The following ZNF804A variants were observed in gnomAD, a reference collection of about 807,000 sequenced individuals.
ZNF804A encodes the protein zinc finger protein 804A.
Under a neutral mutation model 16.5 loss-of-function variants are expected in ZNF804A, and 2 were observed. The observed-to-expected ratio is 0.12, with a 90% CI of 0.05 to 0.38. The LOEUF (loss-of-function observed/expected upper bound fraction) is 0.38. Ranked by LOEUF, ZNF804A falls within the 10% of genes least tolerant of loss-of-function variation. The pLI is 0.99. For synonymous variants in ZNF804A, 534 were observed against 489.6 expected (o/e 1.09, Z -1.20); for missense variants, 1,473 against 1,390.7 (o/e 1.06, Z -0.94).
intron 1 of ZNF804A, among the ~76,000 whole-genome samples, chr2:184,838,628 T>C (rs983730054): frequency 6.6e-6 from 1 of 151,222 alleles, no homozygotes; most frequent in African/African-American, 2.5e-5. Flanking sequence ...ATCTGTACCA[T>C]TTTAATATTT....
At chr2:184,858,040 T>C (rs1695730788) in intron 1 of ZNF804A, among the ~76,000 whole-genome samples, 2 of 152,140 alleles carry the variant, frequency 1.3e-5, no homozygotes, top group Admixed American at 6.6e-5. Flanking sequence ...TTCTTTCTTC[T>C]ACTCTCGATG....
chr2:184,840,936 C>A (rs1310486353), intron 1 of ZNF804A, among the ~76,000 whole-genome samples: 1 of 152,088 alleles, frequency 6.6e-6, no homozygotes, highest in Non-Finnish European at 1.5e-5. Flanking sequence ...TTGAATTTTA[C>A]TTAACATTAG....
intron 2 of ZNF804A, among the ~76,000 whole-genome samples, chr2:184,904,905 A>C (rs1685246944): frequency 6.6e-6 from 1 of 152,070 alleles, no homozygotes; most frequent in Non-Finnish European, 1.5e-5. Flanking sequence ...TTATCTATTT[A>C]CCCATTTATA....
chr2:184,630,759 T>C (rs972438610), intron 1 of ZNF804A, among the ~76,000 whole-genome samples: 2 of 152,230 alleles, frequency 1.3e-5, no homozygotes, highest in Non-Finnish European at 2.9e-5. Context: ...GAGGTGCTTC[T>C]ATTAAAATAA....
intron 1 of ZNF804A, among the ~76,000 whole-genome samples, chr2:184,632,851 T>C (rs1225439086): frequency 1.3e-5 from 2 of 152,198 alleles, no homozygotes; most frequent in African/African-American, 2.4e-5. Flanking sequence ...TTGCTAGTCA[T>C]ATATAGAAGG....
At chr2:184,904,180 A>G (rs1280500508) in intron 2 of ZNF804A, among the ~76,000 whole-genome samples, 2 of 152,138 alleles carry the variant, frequency 1.3e-5, no homozygotes, top group Non-Finnish European at 2.9e-5. Flanking sequence ...AATTACATGT[A>G]TAATGAAAAC....
intron 1 of ZNF804A, among the ~76,000 whole-genome samples, chr2:184,792,575 A>G (rs1029602213): frequency 1.3e-5 from 2 of 151,960 alleles, no homozygotes. Flanking sequence ...GAATTTCTTT[A>G]TCTGGTATAT....
chr2:184,881,917 G>T (rs1200535552), intron 2 of ZNF804A, among the ~76,000 whole-genome samples: 1 of 151,948 alleles, frequency 6.6e-6, no homozygotes, highest in African/African-American at 2.4e-5. Flanking sequence ...CAATATCATG[G>T]CAGGAACAAA....
chr2:184,637,877 G>A (rs1011002196), intron 1 of ZNF804A, among the ~76,000 whole-genome samples: 3 of 152,104 alleles, frequency 2.0e-5, no homozygotes, highest in Non-Finnish European at 4.4e-5. Flanking sequence ...ACAAAAAATT[G>A]AGAAACTCCT....
intron 1 of ZNF804A, among the ~76,000 whole-genome samples, chr2:184,745,960 A>T (rs1196524295): frequency 6.6e-6 from 1 of 151,718 alleles, no homozygotes; most frequent in Admixed American, 6.6e-5. Flanking sequence ...ATAAAATTTG[A>T]CATTATTAAA....
At chr2:184,717,090 G>A (rs531092905) in intron 1 of ZNF804A, among the ~76,000 whole-genome samples, 3 of 152,070 alleles carry the variant, frequency 2.0e-5, no homozygotes, top group East Asian at 1.9e-4. Context: ...AAAGACAAAC[G>A]AATTAGACAT....
At chr2:184,909,261 CAAGTT>C (rs1047176367) in intron 2 of ZNF804A, among the ~76,000 whole-genome samples, 7 of 151,994 alleles carry the variant, frequency 4.6e-5, no homozygotes, top group Non-Finnish European at 8.8e-5. Flanking sequence ...GTTCAGAAGA[CAAGTT>C]AAGTACTTTA....
intron 2 of ZNF804A, among the ~76,000 whole-genome samples, chr2:184,871,100 C>CA (rs898597077): frequency 1.3e-5 from 2 of 150,640 alleles, no homozygotes; most frequent in Non-Finnish European, 3.0e-5. Flanking sequence ...TCTTCTACTA[C>CA]AAAATAAATA....
chr2:184,697,884 C>A (rs1692857842), intron 1 of ZNF804A, among the ~76,000 whole-genome samples: 1 of 152,024 alleles, frequency 6.6e-6, no homozygotes, highest in South Asian at 2.1e-4. Flanking sequence ...TCACTGGAGA[C>A]ATTGTTTCAT....
At chr2:184,653,738 G>A (rs1300010105) in intron 1 of ZNF804A, among the ~76,000 whole-genome samples, 5 of 152,184 alleles carry the variant, frequency 3.3e-5, no homozygotes, top group African/African-American at 4.8e-5. Context: ...TTGTATGCAT[G>A]TTCTCCTGAG....
At chr2:184,625,657 A>G (rs1691482963) in intron 1 of ZNF804A, among the ~76,000 whole-genome samples, 1 of 152,194 alleles carries the variant, frequency 6.6e-6, no homozygotes, top group Non-Finnish European at 1.5e-5. Context: ...AGTATAAAGC[A>G]GAGTGGGATG....
chr2:184,866,599 T>G, intron 2 of ZNF804A, 87 bp downstream of exon 2: 2 of 1,104,320 alleles, frequency 1.8e-6, no homozygotes, highest in Non-Finnish European at 2.5e-6. Flanking sequence ...TGATATGATA[T>G]TCTTATTTAA....
At chr2:184,642,342 C>T (rs897713695) in intron 1 of ZNF804A, among the ~76,000 whole-genome samples, 23 of 152,248 alleles carry the variant, frequency 1.5e-4, no homozygotes, top group Admixed American at 3.9e-4. Flanking sequence ...ACTCTCCATT[C>T]ATATCCTTTC....
chr2:184,662,385 A>G (rs1224874935), intron 1 of ZNF804A, among the ~76,000 whole-genome samples: 1 of 152,200 alleles, frequency 6.6e-6, no homozygotes, highest in East Asian at 1.9e-4. Flanking sequence ...TTATGCTTAA[A>G]GACTCATAAT....
Sources: allele counts gnomAD v4.1 joint callset (sites outside exome capture counted in the v4.1 genomes callset), GRCh38; gene constraint gnomAD v4.1.1; transcripts MANE v1.5; gene names NCBI Gene and HGNC (gene_info 2026-07-23, HGNC 2026-07-21).